Variants in DNAH12 observed in about 807,000 individuals in gnomAD.
DNAH12 encodes axonemal beta dynein heavy chain 12.
DNAH12 carries 285 observed loss-of-function variants against 371.5 expected under a neutral mutation model. That is an observed-to-expected ratio of 0.77 (90% CI 0.70 to 0.85). DNAH12 has a LOEUF of 0.85. DNAH12 is among the 40% of genes least tolerant of loss of function. The pLI, the probability that DNAH12 is intolerant of heterozygous loss-of-function variation, is 0.00. For missense variants in DNAH12, 3,611 were observed against 3,689.4 expected, an observed-to-expected ratio of 0.98 and a Z score of 0.55; for synonymous variants, 1,200 against 1,213.0, an observed-to-expected ratio of 0.99 and a Z score of 0.22.
intron 4 of DNAH12, among the ~76,000 whole-genome samples, chr3:57,517,097 C>T (rs906776296): frequency 7.2e-5 from 11 of 152,246 alleles, no homozygotes; most frequent in South Asian, 6.2e-4. Context: ...CGGCTGGCTC[C>T]TTTCTACCAT....
intron 11 of DNAH12, among the ~76,000 whole-genome samples, chr3:57,499,645 A>T (rs866078185): frequency 9.8e-3 from 227 of 23,250 alleles, no homozygotes; most frequent in African/African-American, 0.014. Flanking sequence ...AAAAAAAAAA[A>T]AAATATATAT....
At chr3:57,520,233 C>A (rs927007715) in intron 4 of DNAH12, among the ~76,000 whole-genome samples, 21 of 151,696 alleles carry the variant, frequency 1.4e-4, no homozygotes, top group Non-Finnish European at 2.7e-4. Flanking sequence ...TGCCTCAGCA[C>A]CCCTAGTAGC....
intron 12 of DNAH12, among the ~76,000 whole-genome samples, chr3:57,487,666 A>G (rs1193786159): frequency 1.3e-5 from 2 of 152,166 alleles, no homozygotes; most frequent in Non-Finnish European, 2.9e-5. Flanking sequence ...CCTCCTTTTG[A>G]TGTTATCTAA....
At chr3:57,441,427 G>A (rs1484112049) in intron 29 of DNAH12, among the ~76,000 whole-genome samples, 1 of 152,096 alleles carries the variant, frequency 6.6e-6, no homozygotes, top group South Asian at 2.1e-4. Context: ...AAACTATATA[G>A]AATGGTCTAA....
At chr3:57,323,642 T>A in intron 62 of DNAH12, 23 bp from the exon 63 acceptor site, 2 of 1,493,478 alleles carry the variant, frequency 1.3e-6, no homozygotes, top group Non-Finnish European at 1.8e-6. Context: ...AAAGATATGA[T>A]CTTTAGAGCA....
chr3:57,538,792 A>G (rs1575754226), intron 2 of DNAH12, among the ~76,000 whole-genome samples: 1 of 152,272 alleles, frequency 6.6e-6, no homozygotes, highest in Middle Eastern at 3.4e-3. Context: ...TATAGCTTTA[A>G]AAATCATCTA....
At position 57,381,358 on chromosome 3, in the gene DNAH12, T is replaced by A. The variant is rs2063387350; in HGVS notation, c.7992+904A>T. Among the ~76,000 whole-genome samples the A allele has an allele frequency of 2.0e-5, 3 of 152,130 alleles. No individual in the cohort carries two copies. In the South Asian group the frequency reaches 6.2e-4, roughly 32 times the overall value. On this transcript the variant is annotated intron_variant, in intron 50 of 73. Transcript: ENST00000495027. Reference sequence around the variant, plus strand: ...CAAAAAAAAAAATCTAATTCTTTAATTCAGGAATTTAAACCCAGGTATTAG... The same window carrying A: ...CAAAAAAAAAAATCTAATTCTTTAAATCAGGAATTTAAACCCAGGTATTAG...
intron 55 of DNAH12, among the ~76,000 whole-genome samples, chr3:57,372,486 T>C (rs1386562142): frequency 2.6e-5 from 4 of 152,030 alleles, no homozygotes; most frequent in Non-Finnish European, 4.4e-5. Flanking sequence ...AAAGATAAAT[T>C]ATTGTCTAAA....
At chr3:57,337,325 T>C (rs1446487471) in intron 60 of DNAH12, among the ~76,000 whole-genome samples, 6 of 151,762 alleles carry the variant, frequency 4.0e-5, no homozygotes, top group East Asian at 1.9e-4. Flanking sequence ...CTGGGTCACA[T>C]AGGGAGACCC....
At chr3:57,464,001 A>G (rs964777511) in intron 17 of DNAH12, among the ~76,000 whole-genome samples, 2 of 151,988 alleles carry the variant, frequency 1.3e-5, no homozygotes, top group Non-Finnish European at 2.9e-5. Context: ...GGACTTCCAC[A>G]TCTGCATTGC....
chr3:57,433,980 T>A (rs1215309453), intron 30 of DNAH12, among the ~76,000 whole-genome samples, 152 bp from the exon 31 acceptor site: 11 of 152,222 alleles, frequency 7.2e-5, no homozygotes. Context: ...CATATTTAAT[T>A]TCTGAACTGA....
chr3:57,376,283 G>A (rs1424590644), intron 53 of DNAH12, among the ~76,000 whole-genome samples: 2 of 151,030 alleles, frequency 1.3e-5, no homozygotes, highest in Non-Finnish European at 2.9e-5. Flanking sequence ...TGGATGATTT[G>A]GTCTAGTGGC....
chr3:57,399,902 A>T (rs2153350709), intron 43 of DNAH12, among the ~76,000 whole-genome samples: 1 of 152,360 alleles, frequency 6.6e-6, no homozygotes, highest in South Asian at 2.1e-4. Context: ...AATACATATA[A>T]CATACAAAAT....
At chr3:57,387,641 TCTC>T (rs1446517511) in intron 45 of DNAH12, among the ~76,000 whole-genome samples, 4 of 152,068 alleles carry the variant, frequency 2.6e-5, no homozygotes, top group African/African-American at 4.8e-5. Context: ...AAAGACTAAA[TCTC>T]CTAGACTCCC....
chr3:57,423,825 T>C (rs184051624), intron 35 of DNAH12, among the ~76,000 whole-genome samples: 1 of 152,220 alleles, frequency 6.6e-6, no homozygotes, highest in East Asian at 1.9e-4. Flanking sequence ...TGGTTTTATT[T>C]TTTTTTGAGA....
chr3:57,490,289 C>T (rs1390407042), intron 11 of DNAH12, among the ~76,000 whole-genome samples: 2 of 152,084 alleles, frequency 1.3e-5, no homozygotes, highest in African/African-American at 4.8e-5. Flanking sequence ...GCTATGATGG[C>T]ACCCTGCATT....
intron 2 of DNAH12, among the ~76,000 whole-genome samples, chr3:57,534,532 C>G (rs1243208829): frequency 1.9e-5 from 2 of 107,568 alleles, no homozygotes; most frequent in Non-Finnish European, 3.5e-5. Context: ...TTTTTTGAGA[C>G]AGAGTCTGGC....
intron 60 of DNAH12, among the ~76,000 whole-genome samples, chr3:57,342,747 C>T (rs1033574875): frequency 3.3e-5 from 5 of 149,614 alleles, no homozygotes; most frequent in African/African-American, 1.2e-4. Flanking sequence ...GGAACTCAGA[C>T]ATGTCAACAG....
At position 57,390,424 on chromosome 3, in the gene DNAH12, A is replaced by AATATAT. The variant is rs1159621191; in HGVS notation, c.7305+1442_7305+1447dup. 6.0e-4 allele frequency among the ~76,000 whole-genome samples: 20 copies of AATATAT among 33,436 alleles called. 2 individuals carry two copies. Among genetic ancestry groups the AATATAT allele is most frequent in the African/African-American group, 1.2e-3 (19 of 15,864 alleles). 21.9% of individuals were successfully genotyped at this position (33,436 alleles called of 152,430 possible). ...ATCCTGTCTCAAAAAAAAAAAAAAAAATATATATATATATATATATATATA... is the reference window on the plus strand; with the variant it reads ...ATCCTGTCTCAAAAAAAAAAAAAAAAATATATATATATATATATATATATATATATA... On this transcript the variant is annotated intron_variant, in intron 45 of 73. Coordinates refer to ENST00000495027, the MANE Select transcript of DNAH12 (RefSeq NM_001366028.2).
Sources: allele counts gnomAD v4.1 joint callset (sites outside exome capture counted in the v4.1 genomes callset), GRCh38; gene constraint gnomAD v4.1.1; transcripts MANE v1.5; gene names NCBI Gene and HGNC (gene_info 2026-07-23, HGNC 2026-07-21).